The following RAB17 variants were observed in gnomAD, a reference collection of about 807,000 sequenced individuals.
RAB17 encodes RAB17, member RAS oncogene family, also known as ras-related protein Rab-17.
RAB17 carries 15 observed loss-of-function variants against 19.3 expected under a neutral mutation model. That is an observed-to-expected ratio of 0.78 (90% CI 0.52 to 1.20). RAB17 has a LOEUF of 1.20. Among genes scored for constraint, RAB17 ranks in the 50% most tolerant of loss-of-function variants. The pLI is 0.00. For missense variants in RAB17, 262 were observed against 269.3 expected, an observed-to-expected ratio of 0.97 and a Z score of 0.19; for synonymous variants, 110 against 112.8, an observed-to-expected ratio of 0.97 and a Z score of 0.16.
rs1005014500 is a variant in RAB17, at chr2:237,577,346, G to C, written c.346C>G (p.Leu116Val). 7 of 1,613,564 alleles carry C rather than the reference G, an allele frequency of 4.3e-6. No homozygotes were observed. The highest frequency in any genetic ancestry group is 2.2e-5 in the South Asian group (2 of 91,058). ...FLKAQQWLKDLEEELHPGEVL... is the reference protein window; with the variant it reads ...FLKAQQWLKDVEEELHPGEVL... Reference sequence around the variant, plus strand: ...TCTCCTGGGTGCAGCTCCTCCTCCAGGTCCTTCAGCCACTGCTGAGCCTTG... The same window carrying C: ...TCTCCTGGGTGCAGCTCCTCCTCCACGTCCTTCAGCCACTGCTGAGCCTTG... Residue 116 changes from leucine to valine, a missense_variant, in exon 4 of 6, where the codon CTG (leucine) becomes GTG (valine). By Grantham distance (32) the Leu-to-Val change is conservative. Transcript: ENST00000264601.
intron 4 of RAB17, chr2:237,576,715 T>C (rs2081265917): frequency 4.2e-6 from 2 of 471,058 alleles, no homozygotes; most frequent in African/African-American, 4.0e-5. Flanking sequence ...GGAGGTGGGA[T>C]GCCGTGGAAG....
intron 2 of RAB17, chr2:237,585,362 T>C (rs1276841245): frequency 5.9e-6 from 1 of 169,038 alleles, no homozygotes; most frequent in Non-Finnish European, 1.5e-5. Context: ...TTTCACTGCC[T>C]AGGCAGACTG....
intron 2 of RAB17, among the ~76,000 whole-genome samples, chr2:237,583,148 C>T (rs149951853): frequency 2.0e-5 from 3 of 152,174 alleles, no homozygotes; most frequent in East Asian, 3.9e-4. Flanking sequence ...TGCAGTGGTG[C>T]ACACCATGGC....
At chr2:237,583,752 C>T (rs760680511) in intron 2 of RAB17, among the ~76,000 whole-genome samples, 3 of 152,172 alleles carry the variant, frequency 2.0e-5, no homozygotes, top group Non-Finnish European at 2.9e-5. Flanking sequence ...AAGGCAGAGC[C>T]CAGCCTGTAG....
rs576790159 is a variant in RAB17 at position 237,590,181 on chromosome 2, AC to A, written c.-4+285del. On this transcript the variant is annotated intron_variant, in intron 1 of 5. Coordinates refer to ENST00000264601, the MANE Select transcript of RAB17 (RefSeq NM_022449.4). ...GTTTTTTGTGTTTTTTTTTTTCAAG[AC>A]CTTAAAACCGGAACTTTCCCGAAGA... is the stretch of plus-strand genomic sequence containing the variant. 2.6e-5 allele frequency among the ~76,000 whole-genome samples: 4 copies of A among 151,350 alleles called. No individual in the cohort carries two copies. In the East Asian group the frequency reaches 7.7e-4, roughly 29 times the overall value.
chr2:237,579,597 G>C (rs2081293028), intron 2 of RAB17: 1 of 152,196 alleles, frequency 6.6e-6, no homozygotes, highest in African/African-American at 2.4e-5. Context: ...GCTATCCTAA[G>C]TTCCATCTTG....
In RAB17 at chr2:237,578,013, G is replaced by A. The variant is rs749265757; in HGVS notation, c.300C>T (p.Ile100=). 2 of 1,601,870 alleles carry A rather than the reference G, an allele frequency of 1.2e-6. No individual in the cohort carries two copies. Among genetic ancestry groups the A allele is most frequent in the South Asian group, 2.2e-5 (2 of 90,638 alleles). ...TCAAGGCGGGCCCTACCTTCCTGGT[G>A]ATGTCGTACACCAGAAGCGCAGCGT... ...GANAALLVYD[I]TRKDSFLKAQ... is the part of the protein sequence containing the mutation. Residue 100 remains isoleucine, a synonymous_variant, in exon 3 of 6, where the codon ATC becomes ATT. Coordinates refer to ENST00000264601, the MANE Select transcript of RAB17 (RefSeq NM_022449.4).
intron 5 of RAB17, 43 bp from the exon 6 acceptor site, chr2:237,575,171 G>A (rs771418054): frequency 2.4e-5 from 36 of 1,527,166 alleles, no homozygotes; most frequent in Middle Eastern, 2.1e-4. Context: ...GAGGGAAGTC[G>A]CCCAGCCCAG....
chr2:237,580,373 T>C (rs1278009481), intron 2 of RAB17, among the ~76,000 whole-genome samples: 1 of 152,230 alleles, frequency 6.6e-6, no homozygotes, highest in African/African-American at 2.4e-5. Flanking sequence ...GGGTGAAACG[T>C]GAGCATAAAA....
chr2:237,584,867 G>A (rs546680929), intron 2 of RAB17, among the ~76,000 whole-genome samples: 16 of 152,316 alleles, frequency 1.1e-4, no homozygotes, highest in African/African-American at 3.4e-4. Context: ...CCTTGCTAAT[G>A]GAGAAGAGGA....
At chr2:237,583,724 C>A (rs2081325921) in intron 2 of RAB17, among the ~76,000 whole-genome samples, 1 of 152,220 alleles carries the variant, frequency 6.6e-6, no homozygotes, top group South Asian at 2.1e-4. Flanking sequence ...AAAGACTCCA[C>A]CCACCAGTTC....
chr2:237,574,744 G>T lies in RAB17; in HGVS notation c.*275C>A, dbSNP rs1159898807. ...TGTCCAGAGGCTGCCAGGCTGAGGG[G>T]GCCACCGTCCAGGTGGAACAGGCAC... On this transcript the variant is annotated 3_prime_UTR_variant, in exon 6 of 6. Coordinates refer to ENST00000264601, the MANE Select transcript of RAB17 (RefSeq NM_022449.4). 3 of 1,338,548 alleles carry T rather than the reference G, an allele frequency of 2.2e-6. No individual in the cohort carries two copies. The highest frequency in any genetic ancestry group is 2.9e-6 in the Non-Finnish European group (3 of 1,021,418). 82.9% of individuals were successfully genotyped at this position (1,338,548 alleles called of 1,614,324 possible).
intron 1 of RAB17, among the ~76,000 whole-genome samples, chr2:237,586,945 ATTT>A (rs11334488): frequency 6.6e-6 from 1 of 151,616 alleles, no homozygotes; most frequent in South Asian, 2.1e-4. Context: ...AGATACAGGT[ATTT>A]TTTTTTCTTT....
rs562778444 is a variant in RAB17, at chr2:237,589,671, C to T, written c.-4+796G>A. 3.3e-5 allele frequency among the ~76,000 whole-genome samples: 5 copies of T among 152,322 alleles called. No homozygotes were observed. The South Asian group carries it at 6.2e-4, about 19-fold the overall frequency. On this transcript the variant is annotated intron_variant, in intron 1 of 5. Coordinates refer to ENST00000264601, the MANE Select transcript of RAB17 (RefSeq NM_022449.4). Reference sequence around the variant, plus strand: ...TTAAAAGTGTGGCACCTGACCCCCACCTCCAGAATTTAATCAAGATGGGGT... The same window carrying T: ...TTAAAAGTGTGGCACCTGACCCCCATCTCCAGAATTTAATCAAGATGGGGT...
rs61312223 is a variant in RAB17, at chr2:237,576,014, G to C, written c.436-534C>G. The stretch of plus-strand genomic sequence containing the variant: ...ATGGGAAGGCCACAGCCTTGCCCAG[G>C]AGTCGAGGGTGGCCGAGGAATGGGG... On this transcript the variant is annotated intron_variant, in intron 4 of 5. Coordinates refer to ENST00000264601, the MANE Select transcript of RAB17 (RefSeq NM_022449.4). The C allele has an allele frequency of 1.8e-3, 289 of 160,528 alleles. 1 individual carries two copies. The South Asian group carries it at 0.028, about 16-fold the overall frequency. The allele number at this position is 160,528 out of a possible 1,614,324, so 9.9% of individuals were successfully genotyped here.
chr2:237,585,084 T>C (rs1574937124), intron 2 of RAB17, among the ~76,000 whole-genome samples: 1 of 152,238 alleles, frequency 6.6e-6, no homozygotes, highest in East Asian at 1.9e-4. Context: ...GCTAACGTCA[T>C]GTGCCACATC....
At chr2:237,579,207 A>G (rs59044255) in intron 2 of RAB17, 65,738 of 152,018 alleles carry the variant, frequency 0.43, 18,642 homozygotes, top group African/African-American at 0.81. Flanking sequence ...TAGACCCTGG[A>G]TTGGGTTTGG....
At chr2:237,588,984 A>T (rs1311981496) in intron 1 of RAB17, among the ~76,000 whole-genome samples, 1 of 152,188 alleles carries the variant, frequency 6.6e-6, no homozygotes, top group Non-Finnish European at 1.5e-5. Flanking sequence ...CTTTGAGAAG[A>T]CGAGGCAGGT....
chr2:237,577,696 C>T (rs1042802341), intron 3 of RAB17: 7 of 471,066 alleles, frequency 1.5e-5, no homozygotes, highest in Non-Finnish European at 2.3e-5. Context: ...CCTAGCTGTC[C>T]TCAAAGGACC....
Sources: allele counts gnomAD v4.1 joint callset (sites outside exome capture counted in the v4.1 genomes callset), GRCh38; gene constraint gnomAD v4.1.1; transcripts MANE v1.5; gene names NCBI Gene and HGNC (gene_info 2026-07-23, HGNC 2026-07-21).